LIN54: variants seen among roughly 807,000 people sequenced by gnomAD.
LIN54 encodes the protein protein lin-54 homolog.
LIN54 carries 9 observed loss-of-function variants against 78.7 expected under a neutral mutation model. That is an observed-to-expected ratio of 0.11 (90% CI 0.07 to 0.20). The LOEUF (loss-of-function observed/expected upper bound fraction) is 0.20. LIN54 is among the 10% of genes least tolerant of loss of function. LIN54 has a pLI of 1.00. For synonymous variants in LIN54, 269 were observed against 318.4 expected (o/e 0.84, Z 1.65); for missense variants, 573 against 889.9 (o/e 0.64, Z 4.53).
chr4:82,962,000 C>A lies in LIN54; in HGVS notation c.951+8327G>T, dbSNP rs552803588. ...AAACACATTTATTCATCCAACATTACACAAAGTATGACCAGGCCTTACATT... is the reference window on the plus strand; with the variant it reads ...AAACACATTTATTCATCCAACATTAAACAAAGTATGACCAGGCCTTACATT... On this transcript the variant is annotated intron_variant, in intron 4 of 12. Transcript: ENST00000340417. Among the ~76,000 whole-genome samples the A allele has an allele frequency of 9.5e-4, 144 of 151,768 alleles. 3 individuals are homozygous for A. Among genetic ancestry groups the A allele is most frequent in the South Asian group, 2.1e-4 (1 of 4,794 alleles).
At chr4:82,992,433 T>C (rs2126096389) in intron 1 of LIN54, among the ~76,000 whole-genome samples, 1 of 152,178 alleles carries the variant, frequency 6.6e-6, no homozygotes, top group Non-Finnish European at 1.5e-5. Flanking sequence ...ATCTCAGAAC[T>C]TTTGAGAGGT....
chr4:82,929,843 TA>T (rs1721804379), intron 12 of LIN54, among the ~76,000 whole-genome samples: 2 of 152,060 alleles, frequency 1.3e-5, no homozygotes, highest in African/African-American at 4.8e-5. Context: ...ACTAATATCT[TA>T]AATATTTTGT....
At chr4:82,984,129 T>A in intron 2 of LIN54, 32 bp downstream of exon 2, 1 of 1,479,260 alleles carries the variant, frequency 6.8e-7, no homozygotes. Context: ...TAAACATGCA[T>A]TTTAATTAGT....
chr4:82,998,613 A>G (rs1728465037), intron 1 of LIN54, among the ~76,000 whole-genome samples: 1 of 151,970 alleles, frequency 6.6e-6, no homozygotes. Flanking sequence ...AGAAGAGAGA[A>G]AGAAGAGAAA....
intron 5 of LIN54, among the ~76,000 whole-genome samples, 166 bp from the exon 6 acceptor site, chr4:82,940,128 T>C (rs1340428484): frequency 6.6e-6 from 1 of 152,244 alleles, no homozygotes; most frequent in Non-Finnish European, 1.5e-5. Context: ...CCTTTCAAAA[T>C]TGCTTACCCC....
chr4:82,927,732 C>G lies in LIN54; in HGVS notation c.*370G>C, dbSNP rs942225605. Reference sequence around the variant, plus strand: ...CAAGTCCCAAAGAATGGGTGCTAACCACTGCTGCTTTGGCTTTTCTATTAA... The same window carrying G: ...CAAGTCCCAAAGAATGGGTGCTAACGACTGCTGCTTTGGCTTTTCTATTAA... On this transcript the variant is annotated 3_prime_UTR_variant, in exon 13 of 13. Coordinates refer to ENST00000340417, the MANE Select transcript of LIN54 (RefSeq NM_194282.4). The G allele has an allele frequency of 1.7e-5, 3 of 177,414 alleles. No individual in the cohort carries two copies. In the South Asian group the frequency reaches 4.1e-4, roughly 24 times the overall value. 11.0% of individuals were successfully genotyped at this position (177,414 alleles called of 1,614,324 possible).
At chr4:82,942,811 A>G (rs1456115118) in intron 5 of LIN54, among the ~76,000 whole-genome samples, 2 of 151,270 alleles carry the variant, frequency 1.3e-5, no homozygotes, top group East Asian at 2.0e-4. Context: ...AATGGGGACT[A>G]TCCCTGCCTT....
At chr4:82,993,712 G>C (rs1727949285) in intron 1 of LIN54, among the ~76,000 whole-genome samples, 1 of 151,732 alleles carries the variant, frequency 6.6e-6, no homozygotes, top group Admixed American at 6.6e-5. Flanking sequence ...CTGCTTCCCA[G>C]GTTCAAGCAA....
Position 82,939,716 on chromosome 4 carries a change from A to T in LIN54, c.1263T>A (p.Asn421Lys), listed in dbSNP as rs199946556. 1.9e-6 allele frequency: 3 copies of T among 1,614,174 alleles called. No individual in the cohort carries two copies. Among genetic ancestry groups the T allele is most frequent in the Non-Finnish European group, 1.7e-6 (2 of 1,180,010 alleles). ...AVKQVVPKPI[N>K]PTSQIVTTSQ... The stretch of plus-strand genomic sequence containing the variant: ...TAGTAGTTACTATTTGTGAAGTTGG[A>T]TTGATTGGTTTTGGAACAACCTAAA... Residue 421 changes from asparagine to lysine, a missense_variant, in exon 7 of 13, where the codon AAT becomes AAA. Physicochemically the swap from Asn to Lys is moderately conservative, Grantham distance 94. Around this residue, in one of 6 missense-constraint regions of LIN54, gnomAD observed 199 missense variants for 260.9 expected, o/e 0.76. Transcript: ENST00000340417.
At chr4:82,969,722 C>T (rs1338878383) in intron 4 of LIN54, among the ~76,000 whole-genome samples, 2 of 152,152 alleles carry the variant, frequency 1.3e-5, no homozygotes, top group Non-Finnish European at 2.9e-5. Context: ...AATAATATGT[C>T]CTTTAAAACA....
At chr4:82,946,565 T>G in intron 4 of LIN54, 91 bp from the exon 5 acceptor site, 1 of 966,002 alleles carries the variant, frequency 1.0e-6, no homozygotes, top group South Asian at 1.5e-5. Flanking sequence ...TTGTAAAGTA[T>G]GCTCCTGTAT....
intron 3 of LIN54, among the ~76,000 whole-genome samples, chr4:82,974,213 A>C (rs973051261): frequency 3.9e-4 from 60 of 152,064 alleles, no homozygotes; most frequent in African/African-American, 1.4e-3. Flanking sequence ...CCCTCTCAAA[A>C]AAACAAACAA....
chr4:82,979,101 A>G, intron 2 of LIN54, 95 bp from the exon 3 acceptor site: 2 of 910,996 alleles, frequency 2.2e-6, no homozygotes, highest in South Asian at 4.3e-5. Context: ...TAGCACATGT[A>G]AAACCAGCTC....
intron 12 of LIN54, among the ~76,000 whole-genome samples, chr4:82,928,585 T>G (rs1721677850): frequency 6.6e-6 from 1 of 152,232 alleles, no homozygotes; most frequent in African/African-American, 2.4e-5. Context: ...GATAATAGTC[T>G]ACACGAAGAC....
At chr4:82,995,552 G>C (rs1728139384) in intron 1 of LIN54, among the ~76,000 whole-genome samples, 1 of 137,026 alleles carries the variant, frequency 7.3e-6, no homozygotes, top group Admixed American at 7.7e-5. Context: ...CTGGAGTGTA[G>C]TGGCACAATC....
intron 5 of LIN54, among the ~76,000 whole-genome samples, chr4:82,945,814 G>C (rs1461591048): frequency 6.6e-6 from 1 of 152,066 alleles, no homozygotes; most frequent in Non-Finnish European, 1.5e-5. Context: ...CTTTTTAGTA[G>C]CAATTATAGA....
At chr4:82,941,207 A>G (rs1156395296) in intron 5 of LIN54, among the ~76,000 whole-genome samples, 2 of 148,896 alleles carry the variant, frequency 1.3e-5, no homozygotes, top group African/African-American at 5.0e-5. Context: ...TAGAAAAAGC[A>G]CACGGAGGAC....
chr4:82,976,589 T>C (rs1344105935), intron 3 of LIN54, among the ~76,000 whole-genome samples: 1 of 151,908 alleles, frequency 6.6e-6, no homozygotes, highest in African/African-American at 2.4e-5. Context: ...GCGCCTGTAA[T>C]CCCAGCTACT....
In LIN54 at chr4:82,984,489, T is replaced by TTGTTTAAAAGTATC; in HGVS notation, c.355_356insGATACTTTTAAACA (p.Lys119ArgfsTer4). The TTGTTTAAAAGTATC allele has an allele frequency of 6.2e-7, 1 of 1,614,212 alleles. No homozygotes were observed. The highest frequency in any genetic ancestry group is 8.5e-7 in the Non-Finnish European group (1 of 1,180,026). ...TTTAAGATCAGATGTCTGTGATACT[T>TTGTTTAAAAGTATC]TGTTTAAAATAATCTGATTGGCTGA... On this transcript the variant is annotated stop_gained and frameshift_variant, in exon 2 of 13. Transcript: ENST00000340417. LOFTEE classifies it high-confidence loss of function.
Sources: gnomAD v4.1 joint callset for allele counts (sites outside exome capture counted in the v4.1 genomes callset) on GRCh38, gnomAD v4.1.1 for gene constraint, gnomAD v4.1.1 regional missense constraint, MANE v1.5 for transcripts, NCBI Gene and HGNC (gene_info 2026-07-23, HGNC 2026-07-21) for gene names.